The following SKA2 variants were observed in gnomAD, a reference collection of about 807,000 sequenced individuals.
SKA2 encodes spindle and kinetochore-associated protein 2.
In SKA2, 13 loss-of-function variants were observed where a neutral mutation model predicts 16.9. The ratio of observed to expected loss-of-function variants is 0.77; its 90% CI spans 0.50 to 1.22. The LOEUF is 1.22. Ranked by LOEUF, SKA2 falls within the 50% of genes most tolerant of loss-of-function variation. The pLI, the probability that SKA2 is intolerant of heterozygous loss-of-function variation, is 0.00. For synonymous variants in SKA2, 47 were observed against 48.5 expected, an observed-to-expected ratio of 0.97 and a Z score of 0.13; for missense variants, 107 against 139.7, an observed-to-expected ratio of 0.77 and a Z score of 1.18.
chr17:59,151,001 T>C (rs749447179), intron 1 of SKA2: 2 of 356,370 alleles, frequency 5.6e-6, no homozygotes, highest in Admixed American at 4.5e-5. Context: ...AAAGGTTTTT[T>C]TTTTTCAAAT....
intron 2 of SKA2, among the ~76,000 whole-genome samples, chr17:59,125,556 C>T (rs1449703313): frequency 2.0e-5 from 3 of 151,068 alleles, no homozygotes; most frequent in Admixed American, 1.3e-4. Context: ...CAAAAATTAG[C>T]CAGGATAGTA....
At chr17:59,119,189 A>G (rs2046315862) in intron 3 of SKA2, 130 bp downstream of exon 3, 1 of 897,242 alleles carries the variant, frequency 1.1e-6, no homozygotes, top group South Asian at 1.9e-5. Context: ...ACTTCAGGGT[A>G]TCAGGAAAAT....
intron 3 of SKA2, among the ~76,000 whole-genome samples, chr17:59,116,374 A>G (rs1006706235): frequency 2.0e-5 from 3 of 151,642 alleles, no homozygotes; most frequent in Admixed American, 1.3e-4. Flanking sequence ...CTCCGTCTCA[A>G]AAAACAAACA....
chr17:59,149,941 G>A (rs1248991355), intron 1 of SKA2, among the ~76,000 whole-genome samples: 1 of 152,164 alleles, frequency 6.6e-6, no homozygotes, highest in Non-Finnish European at 1.5e-5. Flanking sequence ...GCCTGGTCTG[G>A]AACTACTGGG....
chr17:59,131,325 G>C lies in SKA2; in HGVS notation c.76C>G (p.Leu26Val), dbSNP rs750452824. ...ESDLDYIQYR[L>V]EYEIKTNHPD... ...TGATTAGTCTTGATTTCATATTCCAGCCTGTATTGAATGTAATCCAGATCA... is the reference window on the plus strand; with the variant it reads ...TGATTAGTCTTGATTTCATATTCCACCCTGTATTGAATGTAATCCAGATCA... The change falls in exon 2 of 4, where the codon CTG (leucine) becomes GTG (valine). Residue 26 changes from leucine to valine, a missense_variant. Leu to Val is a conservative substitution (Grantham distance 32). Coordinates refer to ENST00000330137, the MANE Select transcript of SKA2 (RefSeq NM_182620.4). The C allele has an allele frequency of 1.6e-5, 26 of 1,582,022 alleles. No individual in the cohort carries two copies. The highest frequency in any genetic ancestry group is 2.1e-5 in the Non-Finnish European group (24 of 1,161,920).
chr17:59,124,789 G>A (rs1568303677), intron 2 of SKA2, among the ~76,000 whole-genome samples: 1 of 152,128 alleles, frequency 6.6e-6, no homozygotes, highest in Non-Finnish European at 1.5e-5. Context: ...ATGTTTTTAT[G>A]ACATTAGCTC....
At chr17:59,124,400 C>G (rs931052773) in intron 2 of SKA2, 16 of 151,344 alleles carry the variant, frequency 1.1e-4, no homozygotes, top group African/African-American at 3.7e-4. Flanking sequence ...CCACTGCACT[C>G]CAGTCTGGAC....
At chr17:59,145,927 T>C (rs1044201795) in intron 1 of SKA2, among the ~76,000 whole-genome samples, 13 of 151,608 alleles carry the variant, frequency 8.6e-5, no homozygotes, top group African/African-American at 3.1e-4. Context: ...GAGGTCAAGG[T>C]TGCAGTAAGC....
intron 2 of SKA2, among the ~76,000 whole-genome samples, chr17:59,122,014 A>G (rs1280533828): frequency 1.3e-5 from 2 of 151,950 alleles, no homozygotes; most frequent in Non-Finnish European, 2.9e-5. Context: ...CAAGAAGCCT[A>G]TAGAGCAGGA....
intron 1 of SKA2, among the ~76,000 whole-genome samples, chr17:59,150,828 A>G (rs770363432): frequency 2.6e-5 from 4 of 152,134 alleles, no homozygotes; most frequent in Non-Finnish European, 5.9e-5. Context: ...TCATCATAAA[A>G]CTCAAATAAA....
At chr17:59,148,567 C>T (rs115447885) in intron 1 of SKA2, among the ~76,000 whole-genome samples, 3,377 of 151,796 alleles carry the variant, frequency 0.022, 120 homozygotes, top group African/African-American at 0.077. Flanking sequence ...TACAGTCTTG[C>T]GCCACCACAC....
chr17:59,150,458 T>G (rs746623624), intron 1 of SKA2, among the ~76,000 whole-genome samples: 1 of 152,122 alleles, frequency 6.6e-6, no homozygotes, highest in Non-Finnish European at 1.5e-5. Flanking sequence ...TTTGGAGGAC[T>G]AGGCACAGTG....
rs1172504188 is a variant in SKA2, at chr17:59,110,156, G to A, written c.*2121C>T. 1 of 152,112 alleles carries A rather than the reference G, an allele frequency of 6.6e-6. No individual in the cohort carries two copies. The highest frequency in any genetic ancestry group is 1.5e-5 in the Non-Finnish European group (1 of 68,034). 9.4% of individuals were successfully genotyped at this position (152,112 alleles called of 1,614,324 possible). A position where few individuals can be genotyped will look rare whatever the true frequency, so the allele number is the denominator to read the frequency against. ...CTAGTGGAAGAAGTTATATTTAGGA[G>A]TCATCCACAAAGAGGCTTGAGAAAC... is the stretch of plus-strand genomic sequence containing the variant. On this transcript the variant is annotated 3_prime_UTR_variant, in exon 4 of 4. Transcript: ENST00000330137.
chr17:59,126,158 G>A (rs2046371107), intron 2 of SKA2, among the ~76,000 whole-genome samples: 1 of 151,814 alleles, frequency 6.6e-6, no homozygotes, highest in Non-Finnish European at 1.5e-5. Context: ...GCGACAGAGC[G>A]AGACTCCGTC....
At chr17:59,122,688 G>A (rs1213978036) in intron 2 of SKA2, among the ~76,000 whole-genome samples, 3 of 152,200 alleles carry the variant, frequency 2.0e-5, no homozygotes, top group Non-Finnish European at 4.4e-5. Context: ...TACTCGGGCG[G>A]CTAAGCAGGG....
chr17:59,113,092 G>A (rs1027974539), intron 3 of SKA2, among the ~76,000 whole-genome samples: 11 of 150,648 alleles, frequency 7.3e-5, no homozygotes, highest in East Asian at 2.0e-4. Flanking sequence ...GCATGGTGGC[G>A]CACACCTGTG....
chr17:59,131,206 A>G (rs1380974397), intron 2 of SKA2, 75 bp downstream of exon 2: 2 of 921,416 alleles, frequency 2.2e-6, no homozygotes, highest in Non-Finnish European at 3.3e-6. Context: ...TATTACTATT[A>G]GGAATGCTAT....
Position 59,155,113 on chromosome 17 carries a change from C to A in SKA2, c.33+18G>T, listed in dbSNP as rs778187675. On this transcript the variant is annotated intron_variant, in intron 1 of 3. Coordinates refer to ENST00000330137, the MANE Select transcript of SKA2 (RefSeq NM_182620.4). Reference sequence around the variant, plus strand: ...GAAAAATAAACTACCCAGTAGATCTCCTTCACTTTGCACTCACCATCAGTT... The same window carrying A: ...GAAAAATAAACTACCCAGTAGATCTACTTCACTTTGCACTCACCATCAGTT... 1.2e-5 allele frequency: 20 copies of A among 1,613,932 alleles called. No homozygotes were observed. The highest frequency in any genetic ancestry group is 1.3e-5 in the African/African-American group (1 of 74,938).
chr17:59,151,534 TATA>T (rs1278414580), intron 1 of SKA2, among the ~76,000 whole-genome samples: 2 of 152,204 alleles, frequency 1.3e-5, no homozygotes, highest in Admixed American at 6.6e-5. Flanking sequence ...CAAAACCAGT[TATA>T]ATTACTACTA....
Sources: gnomAD v4.1 joint callset for allele counts (sites outside exome capture counted in the v4.1 genomes callset) on GRCh38, gnomAD v4.1.1 for gene constraint, MANE v1.5 for transcripts, NCBI Gene and HGNC (gene_info 2026-07-23, HGNC 2026-07-21) for gene names.